The following NMU variants were observed in gnomAD, a reference collection of about 807,000 sequenced individuals.
NMU encodes the protein neuromedin-U.
Under a neutral mutation model 35.4 loss-of-function variants are expected in NMU, and 29 were observed. The ratio of observed to expected loss-of-function variants is 0.82; its 90% confidence interval spans 0.61 to 1.12. The LOEUF (loss-of-function observed/expected upper bound fraction) is 1.12, where lower values mean the gene tolerates loss of function less well. Among genes scored for constraint, NMU ranks in the 50% most tolerant of loss-of-function variants. The pLI, the probability that NMU is intolerant of heterozygous loss-of-function variation, is 0.00. For missense variants in NMU, 199 were observed against 206.2 expected (o/e 0.97, Z 0.21); for synonymous variants, 78 against 81.3 (o/e 0.96, Z 0.22).
chr4:55,631,230 TC>T (rs1560527498), intron 1 of NMU, among the ~76,000 whole-genome samples: 1 of 151,986 alleles, frequency 6.6e-6, no homozygotes. Flanking sequence ...TTCTAGAAGG[TC>T]CATTGGAAAA....
At chr4:55,611,911 G>A (rs1041002541) in intron 3 of NMU, among the ~76,000 whole-genome samples, 3 of 152,184 alleles carry the variant, frequency 2.0e-5, no homozygotes, top group African/African-American at 7.2e-5. Flanking sequence ...GACATGAATT[G>A]TTATTCTCAT....
rs1191411754 is a variant in NMU, at chr4:55,636,019, G to C, written c.112+62C>G. 2.6e-6 allele frequency: 4 copies of C among 1,532,538 alleles called. No homozygotes were observed. Among genetic ancestry groups the C allele is most frequent in the Non-Finnish European group, 3.5e-6 (4 of 1,146,044 alleles). The allele number at this position is 1,532,538 out of a possible 1,614,324, so 94.9% of individuals were successfully genotyped here. On this transcript the variant is annotated intron_variant, in intron 1 of 9. Transcript: ENST00000264218. The surrounding 1 kb of genome is among the most constrained non-coding windows in gnomAD (Gnocchi z 4.0). ...GAGAGAAAGAGGGTGGAGGAGAGCG[G>C]TGAGTGGAGCCAGAGAGAGGCGCGC...
intron 4 of NMU, among the ~76,000 whole-genome samples, chr4:55,607,876 TA>T (rs1389878533): frequency 6.6e-6 from 1 of 152,108 alleles, no homozygotes; most frequent in Non-Finnish European, 1.5e-5. Flanking sequence ...ATGTCTTCCA[TA>T]AAAAAATTTT....
intron 3 of NMU, among the ~76,000 whole-genome samples, chr4:55,611,803 T>C (rs1308505282): frequency 6.6e-6 from 1 of 152,234 alleles, no homozygotes; most frequent in Admixed American, 6.5e-5. Flanking sequence ...ATGATGTTTA[T>C]ACAATGACAA....
Position 55,634,175 on chromosome 4 carries a change from G to A in NMU, c.112+1906C>T, listed in dbSNP as rs190372457. Among the ~76,000 whole-genome samples the A allele has an allele frequency of 4.6e-5, 7 of 152,026 alleles. No individual in the cohort carries two copies. The East Asian group carries it at 1.3e-3, about 29-fold the overall frequency. ...GATTGATCATGGTAGATAATCTCTGGGTTTTGTTTATGTATGTCACGCCCC... is the reference window on the plus strand; with the variant it reads ...GATTGATCATGGTAGATAATCTCTGAGTTTTGTTTATGTATGTCACGCCCC... On this transcript the variant is annotated intron_variant, in intron 1 of 9. Coordinates refer to ENST00000264218, the MANE Select transcript of NMU (RefSeq NM_006681.4).
At chr4:55,611,023 T>G (rs748069345) in intron 3 of NMU, among the ~76,000 whole-genome samples, 18 of 152,232 alleles carry the variant, frequency 1.2e-4, no homozygotes, top group Non-Finnish European at 2.4e-4. Context: ...AGCATGTTTG[T>G]GTTATAAGCC....
intron 3 of NMU, among the ~76,000 whole-genome samples, chr4:55,613,946 T>C (rs892650009): frequency 3.9e-5 from 6 of 152,132 alleles, no homozygotes; most frequent in Non-Finnish European, 7.4e-5. Flanking sequence ...CCCAAAACAT[T>C]AGGAATACAA....
At chr4:55,600,462 G>A (rs1733376807) in intron 8 of NMU, 60 bp downstream of exon 8, 2 of 1,081,794 alleles carry the variant, frequency 1.8e-6, no homozygotes, top group Admixed American at 3.5e-5. Flanking sequence ...TAAATACACA[G>A]GGAACATATT....
chr4:55,625,341 T>C (rs983527770), intron 2 of NMU, among the ~76,000 whole-genome samples: 1 of 152,166 alleles, frequency 6.6e-6, no homozygotes, highest in African/African-American at 2.4e-5. Context: ...TTATTTTCCA[T>C]GGAAATATAG....
chr4:55,598,755 T>C (rs929500539), intron 9 of NMU, among the ~76,000 whole-genome samples: 2 of 152,210 alleles, frequency 1.3e-5, no homozygotes, highest in Non-Finnish European at 2.9e-5. Context: ...CCGTAAATCT[T>C]GGCCCGTTAT....
chr4:55,625,624 C>T (rs984043322), intron 2 of NMU, among the ~76,000 whole-genome samples: 1 of 152,120 alleles, frequency 6.6e-6, no homozygotes, highest in Non-Finnish European at 1.5e-5. Context: ...CATCATTAGC[C>T]TTGCTTTACT....
At chr4:55,618,721 C>T (rs11940643) in intron 2 of NMU, among the ~76,000 whole-genome samples, 100 of 144,004 alleles carry the variant, frequency 6.9e-4, no homozygotes, top group African/African-American at 2.4e-3. Flanking sequence ...TCTTTCTTCT[C>T]TCTTTCTTCT....
At chr4:55,605,845 A>T (rs942913769) in intron 6 of NMU, among the ~76,000 whole-genome samples, 1 of 152,240 alleles carries the variant, frequency 6.6e-6, no homozygotes, top group Admixed American at 6.5e-5. Flanking sequence ...CAAGACAACA[A>T]TGTGTGAAAA....
intron 2 of NMU, among the ~76,000 whole-genome samples, chr4:55,620,149 A>G (rs1283979899): frequency 2.0e-5 from 1 of 49,966 alleles, no homozygotes; most frequent in Admixed American, 2.6e-4. Context: ...CCAGCAACGG[A>G]ACAAAGCTGG....
intron 2 of NMU, among the ~76,000 whole-genome samples, chr4:55,625,066 C>T (rs1488736619): frequency 9.5e-6 from 1 of 105,514 alleles, no homozygotes; most frequent in African/African-American, 3.4e-5. Context: ...ATACCTAATG[C>T]TAGATGACGC....
At chr4:55,634,864 AGTCTCTCTTTCT>A (rs1560529570) in intron 1 of NMU, among the ~76,000 whole-genome samples, 1 of 151,570 alleles carries the variant, frequency 6.6e-6, no homozygotes, top group Non-Finnish European at 1.5e-5. Flanking sequence ...CAAGTAGGGG[AGTCTCTCTTTCT>A]GTCTCTCTCT....
chr4:55,628,487 T>C (rs376867438), intron 2 of NMU, among the ~76,000 whole-genome samples: 1 of 2,368 alleles, frequency 4.2e-4, no homozygotes, highest in Non-Finnish European at 0.017. Context: ...CTGCCATTAT[T>C]ATTATTATTA....
chr4:55,631,667 G>T (rs1734760183), intron 1 of NMU, among the ~76,000 whole-genome samples: 1 of 152,272 alleles, frequency 6.6e-6, no homozygotes, highest in African/African-American at 2.4e-5. Flanking sequence ...AAAAACAATA[G>T]ATGTTGGCAT....
At chr4:55,633,653 C>T (rs79121218) in intron 1 of NMU, among the ~76,000 whole-genome samples, 7,799 of 152,212 alleles carry the variant, frequency 0.051, 265 homozygotes, top group South Asian at 0.086. Context: ...CTTGTATATC[C>T]GTAAGTACAT....
Sources: allele counts gnomAD v4.1 joint callset (sites outside exome capture counted in the v4.1 genomes callset), GRCh38; gene constraint gnomAD v4.1.1; non-coding constraint Gnocchi (gnomAD v3.1); transcripts MANE v1.5; gene names NCBI Gene and HGNC (gene_info 2026-07-23, HGNC 2026-07-21).